PTCD1: variants seen among roughly 807,000 people sequenced by gnomAD.
PTCD1 encodes pentatricopeptide repeat domain 1.
Under a neutral mutation model 53.4 loss-of-function variants are expected in PTCD1, and 50 were observed. The observed-to-expected ratio is 0.94, with a 90% CI of 0.75 to 1.19. The LOEUF is 1.19. Ranked by LOEUF, PTCD1 falls within the 50% of genes most tolerant of loss-of-function variation. The pLI, the probability that PTCD1 is intolerant of heterozygous loss-of-function variation, is 0.00. For missense variants in PTCD1, 918 were observed against 904.8 expected (o/e 1.01, Z -0.19); for synonymous variants, 413 against 394.8 (o/e 1.05, Z -0.55).
At chr7:99,429,949 T>A (rs985441634) in intron 3 of PTCD1, 143 bp from the exon 4 acceptor site, 5 of 1,048,920 alleles carry the variant, frequency 4.8e-6, no homozygotes, top group Non-Finnish European at 7.1e-6. Flanking sequence ...CATGGACACA[T>A]CAGAGCCCAG....
Position 99,429,776 on chromosome 7 carries a change from C to T in PTCD1, c.625G>A (p.Ala209Thr), listed in dbSNP as rs140943473. Reference protein sequence around the residue: ...MKKRDLEPSDATYTALFNVCA... With the variant: ...MKKRDLEPSDTTYTALFNVCA... The stretch of plus-strand genomic sequence containing the variant: ...ACGTTGAACAGGGCCGTGTAGGTGG[C>T]GTCCGAGGGCTCCAGGTCCCGCTTT... The change falls in exon 4 of 8, where the codon GCC (alanine) becomes ACC (threonine). Residue 209 changes from alanine to threonine, a missense_variant. Physicochemically the swap from Ala to Thr is moderately conservative, Grantham distance 58 (BLOSUM62 0). Transcript: ENST00000292478. The T allele has an allele frequency of 1.1e-5, 17 of 1,614,012 alleles. No homozygotes were observed. Among genetic ancestry groups the T allele is most frequent in the South Asian group, 4.4e-5 (4 of 91,082 alleles).
chr7:99,433,041 T>G, intron 3 of PTCD1: 2 of 581,094 alleles, frequency 3.4e-6, no homozygotes, highest in Non-Finnish European at 3.0e-6. Context: ...GCTCCCTCTG[T>G]TTTTTTTTGA....
chr7:99,432,097 G>A (rs374524192), intron 3 of PTCD1, among the ~76,000 whole-genome samples: 1 of 152,214 alleles, frequency 6.6e-6, no homozygotes, highest in African/African-American at 2.4e-5. Flanking sequence ...ATTGTCCAAG[G>A]TTTCTCCCCA....
chr7:99,434,221 G>A lies in PTCD1; in HGVS notation c.453+569C>T, dbSNP rs576164346. Among the ~76,000 whole-genome samples the A allele has an allele frequency of 3.4e-4, 51 of 151,882 alleles. No homozygotes were observed. The East Asian group carries it at 7.6e-3, about 23-fold the overall frequency. On this transcript the variant is annotated intron_variant, in intron 2 of 7. Coordinates refer to ENST00000292478, the MANE Select transcript of PTCD1 (RefSeq NM_015545.4). ...AGCATTTCGGGAGACCAAGGCGGGC[G>A]GATCACCTGAGGTCTGGAGTTTGAG... is the stretch of plus-strand genomic sequence containing the variant.
At chr7:99,425,903 C>A (rs923871977) in intron 5 of PTCD1, among the ~76,000 whole-genome samples, 1 of 152,148 alleles carries the variant, frequency 6.6e-6, no homozygotes, top group Non-Finnish European at 1.5e-5. Flanking sequence ...CCCATCTCTA[C>A]TAAAAATACA....
chr7:99,421,053 T>A (rs755326038), intron 7 of PTCD1, among the ~76,000 whole-genome samples: 3 of 152,014 alleles, frequency 2.0e-5, no homozygotes, highest in Non-Finnish European at 4.4e-5. Flanking sequence ...CTCAACAGAA[T>A]CACGAATATA....
At chr7:99,432,191 G>T (rs1429163040) in intron 3 of PTCD1, among the ~76,000 whole-genome samples, 1 of 152,192 alleles carries the variant, frequency 6.6e-6, no homozygotes, top group African/African-American at 2.4e-5. Flanking sequence ...GCCCATAAAG[G>T]GTCTGTGCTG....
Position 99,419,196 on chromosome 7 carries a change from G to C in PTCD1, c.*771C>G. 1 of 599,508 alleles carries C rather than the reference G, an allele frequency of 1.7e-6. No individual in the cohort carries two copies. The highest frequency in any genetic ancestry group is 2.8e-5 in the East Asian group (1 of 35,928). 37.1% of individuals were successfully genotyped at this position (599,508 alleles called of 1,614,324 possible). A position where few individuals can be genotyped will look rare whatever the true frequency, so the allele number is the denominator to read the frequency against. ...TAAATAGACATACAGATGTAACCTC[G>C]GTGTCAACAGCAGCTGGTTCTACCT... On this transcript the variant is annotated 3_prime_UTR_variant, in exon 8 of 8. Coordinates refer to ENST00000292478, the MANE Select transcript of PTCD1 (RefSeq NM_015545.4).
chr7:99,438,071 G>C (rs1379013811), intron 1 of PTCD1, among the ~76,000 whole-genome samples: 1 of 152,128 alleles, frequency 6.6e-6, no homozygotes, highest in Admixed American at 6.6e-5. Context: ...ACTTCACATA[G>C]AGAAAAATAG....
At chr7:99,432,829 GC>G (rs1796314725) in intron 3 of PTCD1, 1 of 238,254 alleles carries the variant, frequency 4.2e-6, no homozygotes, top group African/African-American at 2.2e-5. Context: ...GGAGGCTGAG[GC>G]GGATGGCCAG....
Position 99,429,782 on chromosome 7 carries a change from AG to A in PTCD1, c.618del (p.Ser207ArgfsTer26), listed in dbSNP as rs756416430. 1 of 1,613,982 alleles carries A rather than the reference AG, an allele frequency of 6.2e-7. No individual in the cohort carries two copies. Among genetic ancestry groups the A allele is most frequent in the East Asian group, 2.2e-5 (1 of 44,882 alleles). Reference sequence around the variant, plus strand: ...AACAGGGCCGTGTAGGTGGCGTCCGAGGGCTCCAGGTCCCGCTTTTTCATCT... The same window carrying A: ...AACAGGGCCGTGTAGGTGGCGTCCGAGGCTCCAGGTCCCGCTTTTTCATCT... ...YNQMKKRDLEPSDATYTALFN... is the reference protein window; with the variant it reads ...YNQMKKRDLEXSDATYTALFN... On this transcript the variant is annotated frameshift_variant, in exon 4 of 8. Transcript: ENST00000292478. LOFTEE classifies it high-confidence loss of function.
chr7:99,428,974 G>T, intron 5 of PTCD1, 129 bp downstream of exon 5: 1 of 1,153,106 alleles, frequency 8.7e-7, no homozygotes, highest in East Asian at 2.4e-5. Flanking sequence ...AGTGGCTGCT[G>T]GGTTTTCAGA....
chr7:99,419,949 G>A lies in PTCD1; in HGVS notation c.*18C>T. 2 of 1,614,066 alleles carry A rather than the reference G, an allele frequency of 1.2e-6. No individual in the cohort carries two copies. The highest frequency in any genetic ancestry group is 1.7e-6 in the Non-Finnish European group (2 of 1,180,008). ...CAGAGCACTGGGGGCCGAGCACATT[G>A]TTCCAGCTGTGCTCCCATCACCTGC... On this transcript the variant is annotated 3_prime_UTR_variant, in exon 8 of 8. Coordinates refer to ENST00000292478, the MANE Select transcript of PTCD1 (RefSeq NM_015545.4).
In PTCD1 at chr7:99,438,684, G is replaced by A; in HGVS notation, c.-27+8C>T. 1 of 1,269,762 alleles carries A rather than the reference G, an allele frequency of 7.9e-7. No individual in the cohort carries two copies. Among genetic ancestry groups the A allele is most frequent in the Non-Finnish European group, 1.0e-6 (1 of 983,290 alleles). The allele number at this position is 1,269,762 out of a possible 1,614,324, so 78.7% of individuals were successfully genotyped here. A position where few individuals can be genotyped will look rare whatever the true frequency, so the allele number is the denominator to read the frequency against. ...CGGGGCTCCTGCGAGGATCACACAGGAACTCACTTGAAGTGTCCGGCGCAG... is the reference window on the plus strand; with the variant it reads ...CGGGGCTCCTGCGAGGATCACACAGAAACTCACTTGAAGTGTCCGGCGCAG... On this transcript the variant is annotated splice_region_variant and intron_variant, in intron 1 of 7. Coordinates refer to ENST00000292478, the MANE Select transcript of PTCD1 (RefSeq NM_015545.4).
chr7:99,423,703 G>A (rs967173150), intron 7 of PTCD1, 72 bp downstream of exon 7: 34 of 1,609,036 alleles, frequency 2.1e-5, no homozygotes, highest in Middle Eastern at 2.2e-4. Flanking sequence ...GGCCAGAACC[G>A]GGGTTGGGTG....
intron 1 of PTCD1, 130 bp from the exon 2 acceptor site, chr7:99,435,398 G>T: frequency 8.1e-7 from 1 of 1,229,468 alleles, no homozygotes. Flanking sequence ...CAGCACTTTG[G>T]GAGGTCGAGG....
At position 99,435,225 on chromosome 7, in the gene PTCD1, GAGTCTCACGA is replaced by G. The variant is rs779671809; in HGVS notation, c.8_17del (p.Phe3SerfsTer33). On this transcript the variant is annotated frameshift_variant, in exon 2 of 8. Transcript: ENST00000292478. LOFTEE classifies it high-confidence loss of function. The stretch of plus-strand genomic sequence containing the variant: ...GGCGGGCCCTGGCGAACAGTCGAGC[GAGTCTCACGA>G]AGTCCATTTCTGGCTTTCCTGTCCC... The G allele has an allele frequency of 3.7e-6, 6 of 1,602,520 alleles. No homozygotes were observed. The African/African-American group carries it at 6.7e-5, about 18-fold the overall frequency.
intron 4 of PTCD1, 78 bp downstream of exon 4, chr7:99,429,510 A>T (rs1220750790): frequency 6.2e-7 from 1 of 1,600,628 alleles, no homozygotes; most frequent in African/African-American, 1.3e-5. Context: ...ACATGAGGAG[A>T]GACAGACACC....
Position 99,435,948 on chromosome 7 carries a change from T to A in PTCD1, c.-26-680A>T, listed in dbSNP as rs564165368. 1.8e-3 allele frequency among the ~76,000 whole-genome samples: 234 copies of A among 133,248 alleles called. 2 individuals carry two copies. Among genetic ancestry groups the A allele is most frequent in the South Asian group, 2.2e-3 (10 of 4,494 alleles). 87.4% of individuals were successfully genotyped at this position (133,248 alleles called of 152,430 possible). A position where few individuals can be genotyped will look rare whatever the true frequency, so the allele number is the denominator to read the frequency against. ...ACTCTGTCTCAGAAAAAAAAAAAAATAATAATAATAAATAAAATAAGAAGT... is the reference window on the plus strand; with the variant it reads ...ACTCTGTCTCAGAAAAAAAAAAAAAAAATAATAATAAATAAAATAAGAAGT... On this transcript the variant is annotated intron_variant, in intron 1 of 7. Coordinates refer to ENST00000292478, the MANE Select transcript of PTCD1 (RefSeq NM_015545.4).
Sources: gnomAD v4.1 joint callset for allele counts (sites outside exome capture counted in the v4.1 genomes callset) on GRCh38, gnomAD v4.1.1 for gene constraint, MANE v1.5 for transcripts, NCBI Gene and HGNC (gene_info 2026-07-23, HGNC 2026-07-21) for gene names.